ZNF208: variants seen among roughly 807,000 people sequenced by gnomAD.
The protein encoded by ZNF208 is zinc finger protein 95.
A neutral mutation model predicts 12.1 loss-of-function variants in ZNF208; 10 were observed. That is an observed-to-expected ratio of 0.83 (90% CI 0.51 to 1.40). ZNF208 has a LOEUF of 1.40. Among genes scored for constraint, ZNF208 ranks in the 40% most tolerant of loss-of-function variants. The pLI, the probability that ZNF208 is intolerant of heterozygous loss-of-function variation, is 0.00. For missense variants in ZNF208, 1,652 were observed against 1,485.0 expected (o/e 1.11, Z -1.85); for synonymous variants, 497 against 488.4 (o/e 1.02, Z -0.23).
chr19:21,942,617 T>A (rs1199908158), intron 4 of ZNF208, among the ~76,000 whole-genome samples: 1 of 152,184 alleles, frequency 6.6e-6, no homozygotes, highest in Non-Finnish European at 1.5e-5. Context: ...TTCCAATTTA[T>A]TTTCAGTGTG....
In ZNF208 at chr19:21,968,183, A is replaced by T. The variant is rs1410911101; in HGVS notation, c.*3008T>A. On this transcript the variant is annotated 3_prime_UTR_variant, in exon 4 of 4. Coordinates refer to ENST00000397126, the MANE Select transcript of ZNF208 (RefSeq NM_007153.3). ...AGGTGGACAATTCTTTCATCAGTAA[A>T]GATAATTTGACTTTCTTTGTTTTCT... 1.3e-5 allele frequency: 2 copies of T among 152,080 alleles called. No individual in the cohort carries two copies. The highest frequency in any genetic ancestry group is 2.9e-5 in the Non-Finnish European group (2 of 68,004). 9.4% of individuals were successfully genotyped at this position (152,080 alleles called of 1,614,324 possible). A position where few individuals can be genotyped will look rare whatever the true frequency, so the allele number is the denominator to read the frequency against.
rs368121798 is a variant in ZNF208 at position 21,988,908 on chromosome 19, C to G, written c.5G>C (p.Gly2Ala). Residue 2 changes from glycine (G) to alanine (A), a missense_variant and splice_region_variant, in exon 2 of 4, where the codon GGA becomes GCA. By Grantham distance (60) the Gly-to-Ala change is moderately conservative. Transcript: ENST00000397126. ...GGCCACATCCCTAAATGTCAATGAT[C>G]CCTGGAAAACACAAACACACATATT... M[G>A]SLTFRDVAIE... 5 of 1,613,596 alleles carry G rather than the reference C, an allele frequency of 3.1e-6. No individual in the cohort carries two copies. The highest frequency in any genetic ancestry group is 2.7e-5 in the African/African-American group (2 of 74,858).
At chr19:22,006,744 C>T (rs1971051681) in intron 1 of ZNF208, among the ~76,000 whole-genome samples, 1 of 152,154 alleles carries the variant, frequency 6.6e-6, no homozygotes, top group South Asian at 2.1e-4. Context: ...ATGTCAGAGT[C>T]ATTCACTTAG....
chr19:21,945,836 C>T (rs1217820248), intron 4 of ZNF208, among the ~76,000 whole-genome samples: 2 of 151,802 alleles, frequency 1.3e-5, no homozygotes, highest in South Asian at 4.2e-4. Context: ...GATAGCAAGG[C>T]AAGGGTTTAT....
chr19:22,008,651 A>G (rs921815426), intron 1 of ZNF208, among the ~76,000 whole-genome samples: 1 of 152,080 alleles, frequency 6.6e-6, no homozygotes, highest in African/African-American at 2.4e-5. Flanking sequence ...AGGGGCAAAA[A>G]TTATTTTGGT....
intron 1 of ZNF208, among the ~76,000 whole-genome samples, chr19:22,003,777 T>A (rs1441286083): frequency 6.6e-6 from 1 of 152,162 alleles, no homozygotes; most frequent in African/African-American, 2.4e-5. Flanking sequence ...AATTATTCTA[T>A]CCTAAAGACA....
At chr19:22,002,032 G>A (rs1970963640) in intron 1 of ZNF208, among the ~76,000 whole-genome samples, 1 of 151,652 alleles carries the variant, frequency 6.6e-6, no homozygotes. Context: ...GGGGATTTAA[G>A]GTTTGCTCAA....
chr19:21,968,105 T>G lies in ZNF208; in HGVS notation c.*3086A>C, dbSNP rs1275202466. 6.6e-6 allele frequency: 1 copy of G among 152,142 alleles called. No homozygotes were observed. The highest frequency in any genetic ancestry group is 2.4e-5 in the African/African-American group (1 of 41,454). 9.4% of individuals were successfully genotyped at this position (152,142 alleles called of 1,614,324 possible). A position where few individuals can be genotyped will look rare whatever the true frequency, so the allele number is the denominator to read the frequency against. Reference sequence around the variant, plus strand: ...TGATTTTGTATTCTAAGATTTTTTTTGAAGTCTTTTTCCAGGCTTAGAACT... The same window carrying G: ...TGATTTTGTATTCTAAGATTTTTTTGGAAGTCTTTTTCCAGGCTTAGAACT... On this transcript the variant is annotated 3_prime_UTR_variant, in exon 4 of 4. Transcript: ENST00000397126.
rs564057758 is a variant in ZNF208, at chr19:21,972,853, G to A, written c.2181C>T (p.Gly727=). The A allele has an allele frequency of 6.2e-7, 1 of 1,612,882 alleles. No homozygotes were observed. Among genetic ancestry groups the A allele is most frequent in the Non-Finnish European group, 8.5e-7 (1 of 1,179,860 alleles). ...GGACTGAGAATGTACTAAAGCTTTT[G>A]CCACATTCTTCACATTTGTAGGGTT... ...GEKPYKCEEC[G]KSFSTFSVLT... is the part of the protein sequence containing the mutation. Residue 727 remains glycine (G), a synonymous_variant, in exon 4 of 4, where the codon GGC becomes GGT. Coordinates refer to ENST00000397126, the MANE Select transcript of ZNF208 (RefSeq NM_007153.3).
intron 4 of ZNF208, among the ~76,000 whole-genome samples, chr19:21,960,104 A>G (rs1970039654): frequency 6.6e-6 from 1 of 152,168 alleles, no homozygotes; most frequent in Non-Finnish European, 1.5e-5. Context: ...CTTTCTTACA[A>G]CTGTGAGAAA....
intron 4 of ZNF208, among the ~76,000 whole-genome samples, chr19:21,958,202 T>C (rs1392722261): frequency 6.6e-6 from 1 of 151,940 alleles, no homozygotes; most frequent in Non-Finnish European, 1.5e-5. Context: ...AAGAAAGTAA[T>C]TGTTTCAAAA....
intron 4 of ZNF208, among the ~76,000 whole-genome samples, chr19:21,946,581 C>G (rs1338648595): frequency 5.3e-5 from 8 of 152,186 alleles, no homozygotes; most frequent in Admixed American, 2.6e-4. Flanking sequence ...TGGGTATTAT[C>G]TCAAACAACA....
Position 22,005,264 on chromosome 19 carries a change from A to G in ZNF208, c.3+5528T>C, listed in dbSNP as rs193259099. 1.0e-3 allele frequency among the ~76,000 whole-genome samples: 156 copies of G among 152,288 alleles called. 2 individuals are homozygous for G. Among genetic ancestry groups the G allele is most frequent in the African/African-American group, 3.4e-3 (143 of 41,564 alleles). On this transcript the variant is annotated intron_variant, in intron 1 of 3. Transcript: ENST00000397126. The stretch of plus-strand genomic sequence containing the variant: ...GTCAAGTGGGTGTTTGTGAGTGGGT[A>G]GAAATCCTCTGCTGGCAGCTGTGGC...
At chr19:21,965,662 C>T (rs1006235862), downstream of ZNF208, 2 of 151,718 alleles carry the variant, frequency 1.3e-5, no homozygotes, top group Non-Finnish European at 2.9e-5. Context: ...CTTAAATAAC[C>T]CCCACTTTCT....
chr19:21,973,885 G>A lies in ZNF208; in HGVS notation c.1149C>T (p.Thr383=). The part of the protein sequence containing the change: ...ECGKAYKWPS[T]LSYHKKIHTG... ...TATGAATTTTCTTATGATAACTAAG[G>A]GTTGAGGGCCACTTATAGGCTTTGC... The change falls in exon 4 of 4, where the codon ACC becomes ACT. Residue 383 remains threonine, a synonymous_variant. Transcript: ENST00000397126. The A allele has an allele frequency of 6.2e-7, 1 of 1,613,198 alleles. No individual in the cohort carries two copies. The highest frequency in any genetic ancestry group is 8.5e-7 in the Non-Finnish European group (1 of 1,179,794).
chr19:21,989,092 TA>T (rs1970679253), intron 1 of ZNF208, among the ~76,000 whole-genome samples, 183 bp from the exon 2 acceptor site: 1 of 152,044 alleles, frequency 6.6e-6, no homozygotes, highest in Non-Finnish European at 1.5e-5. Context: ...TTTCTTTTTT[TA>T]ATTATTATTA....
chr19:21,986,499 T>C (rs1487382119), intron 3 of ZNF208, among the ~76,000 whole-genome samples: 1 of 152,022 alleles, frequency 6.6e-6, no homozygotes, highest in African/African-American at 2.4e-5. Context: ...TGAAAAATAA[T>C]GAGAACACAA....
intron 4 of ZNF208, chr19:21,941,335 T>A (rs556578605): frequency 1.5e-4 from 58 of 398,674 alleles, no homozygotes; most frequent in African/African-American, 1.1e-3. Context: ...AGTTGATGAG[T>A]CTCGGAAACT....
intron 3 of ZNF208, among the ~76,000 whole-genome samples, chr19:21,981,528 G>A (rs895778241): frequency 1.3e-5 from 2 of 152,010 alleles, no homozygotes; most frequent in African/African-American, 4.8e-5. Context: ...CTAAAAACTT[G>A]CAATAAACTA....
Sources: gnomAD v4.1 joint callset for allele counts (sites outside exome capture counted in the v4.1 genomes callset) on GRCh38, gnomAD v4.1.1 for gene constraint, MANE v1.5 for transcripts, NCBI Gene and HGNC (gene_info 2026-07-23, HGNC 2026-07-21) for gene names.